The following LYZL2 variants were observed in gnomAD, a reference collection of about 807,000 sequenced individuals.
LYZL2 encodes the protein lysozyme like 2.
Under a neutral mutation model 17.1 loss-of-function variants are expected in LYZL2, and 13 were observed. That is an observed-to-expected ratio of 0.76 (90% CI 0.49 to 1.21). The LOEUF is 1.21. Ranked by LOEUF, LYZL2 falls within the 50% of genes most tolerant of loss-of-function variation. LYZL2 has a pLI of 0.00. For missense variants in LYZL2, 166 were observed against 189.2 expected (o/e 0.88, Z 0.72); for synonymous variants, 63 against 74.4 (o/e 0.85, Z 0.79).
chr10:30,614,164 A>G (rs760074961), intron 3 of LYZL2, among the ~76,000 whole-genome samples: 7 of 152,226 alleles, frequency 4.6e-5, no homozygotes, highest in Admixed American at 3.9e-4. Flanking sequence ...CAAGTTCAAC[A>G]TTACTTCTAC....
downstream of LYZL2, among the ~76,000 whole-genome samples, chr10:30,606,851 G>A (rs888197690): frequency 6.6e-6 from 1 of 151,394 alleles, no homozygotes; most frequent in Non-Finnish European, 1.5e-5. Flanking sequence ...AATGTTTTCT[G>A]TTAGTACCAA....
At chr10:30,609,929 T>C (rs1838413553), downstream of LYZL2, among the ~76,000 whole-genome samples, 1 of 152,176 alleles carries the variant, frequency 6.6e-6, no homozygotes, top group Non-Finnish European at 1.5e-5. Context: ...TTATGAGTTT[T>C]GCAAAAAGAT....
At chr10:30,625,633 A>C (rs1838689627) in intron 3 of LYZL2, among the ~76,000 whole-genome samples, 1 of 152,202 alleles carries the variant, frequency 6.6e-6, no homozygotes, top group Non-Finnish European at 1.5e-5. Flanking sequence ...GCAATGAGCT[A>C]TGAACGCACC....
chr10:30,626,973 C>G, intron 1 of LYZL2, 33 bp from the exon 2 acceptor site: 1 of 1,611,352 alleles, frequency 6.2e-7, no homozygotes, highest in Non-Finnish European at 8.5e-7. Flanking sequence ...GTCAGACGAT[C>G]TTGATTCAGG....
chr10:30,617,510 A>G (rs1838547414), intron 3 of LYZL2, among the ~76,000 whole-genome samples: 1 of 151,882 alleles, frequency 6.6e-6, no homozygotes, highest in African/African-American at 2.4e-5. Context: ...ACCTGTCTCT[A>G]CTAAAAATAC....
intron 3 of LYZL2, among the ~76,000 whole-genome samples, chr10:30,625,291 T>C (rs1053160059): frequency 6.6e-6 from 1 of 152,218 alleles, no homozygotes; most frequent in Admixed American, 6.5e-5. Flanking sequence ...GATATTTTAA[T>C]GACTCGGTAT....
intron 3 of LYZL2, among the ~76,000 whole-genome samples, chr10:30,619,263 G>A (rs1429625565): frequency 6.6e-6 from 1 of 152,228 alleles, no homozygotes; most frequent in African/African-American, 2.4e-5. Context: ...GTGGAAGTCA[G>A]TGTGGCAATT....
rs759453295 is a variant in LYZL2, at chr10:30,626,924, C to T, written c.-9G>A. ...ATGCCCGCAGCCTTCATCCTCAAAG[C>T]CTGCCGGAGACAGAACCTGCCAAAG... On this transcript the variant is annotated 5_prime_UTR_variant, in exon 2 of 5. Transcript: ENST00000647634. The T allele has an allele frequency of 1.2e-6, 2 of 1,612,794 alleles. No homozygotes were observed. Among genetic ancestry groups the T allele is most frequent in the Admixed American group, 1.7e-5 (1 of 59,870 alleles).
Position 30,626,238 on chromosome 10 carries a change from G to C in LYZL2, c.165C>G (p.Ser55Arg), listed in dbSNP as rs757127551. The C allele has an allele frequency of 6.2e-7, 1 of 1,614,182 alleles. No homozygotes were observed. ...GNWICMAYYE[S>R]GYNTTAQTVL... ...CCGTCTGGGCTGTGGTGTTGTAGCCGCTCTCATAATACGCCATGCAGATCC... is the reference window on the plus strand; with the variant it reads ...CCGTCTGGGCTGTGGTGTTGTAGCCCCTCTCATAATACGCCATGCAGATCC... The change falls in exon 3 of 5, where the codon AGC becomes AGG. Residue 55 changes from serine (S) to arginine (R), a missense_variant. By Grantham distance (110) the Ser-to-Arg change is moderately radical (BLOSUM62 -1). This residue lies in a region of LYZL2 where 134 missense variants were observed against 129.4 expected (regional missense o/e 1.04). Transcript: ENST00000647634.
At chr10:30,623,986 C>T (rs1004295810) in intron 3 of LYZL2, among the ~76,000 whole-genome samples, 1 of 152,202 alleles carries the variant, frequency 6.6e-6, no homozygotes, top group Non-Finnish European at 1.5e-5. Flanking sequence ...CCTTCACTCT[C>T]AGGCTGGGCA....
chr10:30,621,907 GA>G (rs1304767481), intron 3 of LYZL2, among the ~76,000 whole-genome samples: 2 of 151,888 alleles, frequency 1.3e-5, no homozygotes, highest in Non-Finnish European at 2.9e-5. Flanking sequence ...ATTGTTTAAA[GA>G]AAAAATTATA....
downstream of LYZL2, among the ~76,000 whole-genome samples, chr10:30,607,722 C>G (rs1396292721): frequency 6.6e-6 from 1 of 150,792 alleles, no homozygotes; most frequent in African/African-American, 2.5e-5. Flanking sequence ...CAGGATTCCT[C>G]CCAGATCAGG....
intron 3 of LYZL2, among the ~76,000 whole-genome samples, chr10:30,616,070 T>A (rs1838523412): frequency 6.6e-6 from 1 of 152,248 alleles, no homozygotes; most frequent in Admixed American, 6.5e-5. Flanking sequence ...TGCATTTCAA[T>A]AAGGCATTGT....
chr10:30,626,060 T>A, intron 3 of LYZL2, 45 bp downstream of exon 3: 2 of 1,582,704 alleles, frequency 1.3e-6, no homozygotes, highest in Non-Finnish European at 1.7e-6. Context: ...GTCGGCTTTC[T>A]CACCTGGTCC....
chr10:30,627,095 A>G (rs538141998), intron 1 of LYZL2, among the ~76,000 whole-genome samples, 155 bp from the exon 2 acceptor site: 1 of 152,282 alleles, frequency 6.6e-6, no homozygotes, highest in South Asian at 2.1e-4. Context: ...CGGTCCAGGG[A>G]AGGAATGTGA....
intron 1 of LYZL2, among the ~76,000 whole-genome samples, chr10:30,627,581 T>C (rs1838734492): frequency 1.3e-5 from 2 of 152,050 alleles, no homozygotes; most frequent in African/African-American, 4.8e-5. Context: ...CTTAATAACA[T>C]TTTCTTTTCT....
In LYZL2 at chr10:30,627,038, T is replaced by C. The variant is rs978652547; in HGVS notation, c.-25-98A>G. On this transcript the variant is annotated intron_variant, in intron 1 of 4. Transcript: ENST00000647634. Reference sequence around the variant, plus strand: ...CACAGCCCTGCCTAGATGCTGCCTGTCACTTTGGTCATTCAGTGCCACCAT... The same window carrying C: ...CACAGCCCTGCCTAGATGCTGCCTGCCACTTTGGTCATTCAGTGCCACCAT... The C allele has an allele frequency of 6.5e-6, 10 of 1,530,652 alleles. No individual in the cohort carries two copies. In the African/African-American group the frequency reaches 1.4e-4, roughly 21 times the overall value. 94.8% of individuals were successfully genotyped at this position (1,530,652 alleles called of 1,614,324 possible).
In LYZL2 at chr10:30,626,162, C is replaced by T. The variant is rs376334744; in HGVS notation, c.241G>A (p.Ala81Thr). The stretch of plus-strand genomic sequence containing the variant: ...TTCAGCTTTCCGCGTCTGCACCACG[C>T]GAAGCTGTTGATCTGGAAGATGCCG... ...DYGIFQINSF[A>T]WCRRGKLKEN... The change falls in exon 3 of 5, where the codon GCG becomes ACG. Residue 81 changes from alanine (A) to threonine (T), a missense_variant. By Grantham distance (58) the Ala-to-Thr change is moderately conservative. Coordinates refer to ENST00000647634, the MANE Select transcript of LYZL2 (RefSeq NM_183058.3). 94 of 1,614,022 alleles carry T rather than the reference C, an allele frequency of 5.8e-5. No individual in the cohort carries two copies. The highest frequency in any genetic ancestry group is 3.1e-4 in the East Asian group (14 of 44,902).
At chr10:30,628,962 G>A (rs960423951) in intron 1 of LYZL2, among the ~76,000 whole-genome samples, 1 of 152,230 alleles carries the variant, frequency 6.6e-6, no homozygotes, top group African/African-American at 2.4e-5. Context: ...CAGTGGCAGA[G>A]TTGAGTAGCT....
Sources: allele counts gnomAD v4.1 joint callset (sites outside exome capture counted in the v4.1 genomes callset), GRCh38; gene constraint gnomAD v4.1.1; regional missense constraint gnomAD v4.1.1; transcripts MANE v1.5; gene names NCBI Gene and HGNC (gene_info 2026-07-23, HGNC 2026-07-21).